LY6S: variants seen among roughly 807,000 people sequenced by gnomAD.
LY6S encodes lymphocyte antigen 6S.
chr8:143,071,496 C>T, the LY6S span, among the ~76,000 whole-genome samples: 2 of 152,132 alleles, frequency 1.3e-5, no homozygotes, highest in African/African-American at 2.4e-5. Flanking sequence ...GTATCAATAT[C>T]GGTTTATCCA....
At chr8:143,075,115 T>G in the LY6S span, among the ~76,000 whole-genome samples, 1 of 152,262 alleles carries the variant, frequency 6.6e-6, no homozygotes, top group African/African-American at 2.4e-5. The surrounding 1 kb of genome is among the most constrained non-coding windows in gnomAD (Gnocchi z 4.1). Context: ...TTTTTTCATT[T>G]ACATTATTCA....
the LY6S span, among the ~76,000 whole-genome samples, chr8:143,054,495 T>C: frequency 1.3e-5 from 2 of 152,126 alleles, no homozygotes; most frequent in African/African-American, 2.4e-5. Context: ...CCGCCTCTTA[T>C]AGAACCTCCA....
the LY6S span, among the ~76,000 whole-genome samples, chr8:143,069,371 C>T: frequency 6.6e-6 from 1 of 152,212 alleles, no homozygotes; most frequent in Non-Finnish European, 1.5e-5. Context: ...GAAATACACT[C>T]CTCATCCCTC....
the LY6S span, among the ~76,000 whole-genome samples, chr8:143,064,990 C>G: frequency 6.6e-6 from 1 of 152,214 alleles, no homozygotes; most frequent in Non-Finnish European, 1.5e-5. Context: ...ATTCAGCCAT[C>G]TTTCAGGGAT....
At chr8:143,066,148 A>ATTTCTTTTCT in the LY6S span, 21,743 of 252,122 alleles carry the variant, frequency 0.086, 1,343 homozygotes, top group African/African-American at 0.13. Context: ...CCAATGATGA[A>ATTTCTTTTCT]TTTCTTTTCT....
At chr8:143,062,903 C>T in the LY6S span, among the ~76,000 whole-genome samples, 1 of 152,126 alleles carries the variant, frequency 6.6e-6, no homozygotes, top group Non-Finnish European at 1.5e-5. Flanking sequence ...CCAGGGCAAC[C>T]TTGGAGAAGA....
the LY6S span, among the ~76,000 whole-genome samples, chr8:143,072,200 C>CATCATCCTCGGG: frequency 0.073 from 10,918 of 150,472 alleles, 1,806 homozygotes; most frequent in African/African-American, 0.15. Context: ...AGAAGACAGC[C>CATCATCCTCGGG]GTCATTCTGG....
the LY6S span, chr8:143,066,006 T>C: frequency 5.6e-6 from 2 of 357,450 alleles, no homozygotes; most frequent in African/African-American, 2.2e-5. Context: ...ATGAGATCCA[T>C]TCCTGACTAC....
At chr8:143,049,133 C>G in the LY6S span, 417,622 of 533,472 alleles carry the variant, frequency 0.78, 164,663 homozygotes, top group East Asian at 0.93. Flanking sequence ...GGATGTCCCA[C>G]ACCCTGTCAT....
chr8:143,074,078 G>C, the LY6S span, among the ~76,000 whole-genome samples: 1 of 152,188 alleles, frequency 6.6e-6, no homozygotes, highest in African/African-American at 2.4e-5. Flanking sequence ...TTTTCCTTTA[G>C]TTTCAGCAGT....
At chr8:143,044,601 A>T in the LY6S span, 1 of 1,204,650 alleles carries the variant, frequency 8.3e-7, no homozygotes. Context: ...TTGTAGGGGG[A>T]CCTTGGTCCA....
At chr8:143,070,367 A>G in the LY6S span, among the ~76,000 whole-genome samples, 2 of 130,414 alleles carry the variant, frequency 1.5e-5, no homozygotes, top group African/African-American at 3.0e-5. Flanking sequence ...TCCAGCTGAT[A>G]TATATATATA....
chr8:143,049,506 C>A, the LY6S span, among the ~76,000 whole-genome samples: 1 of 152,202 alleles, frequency 6.6e-6, no homozygotes, highest in African/African-American at 2.4e-5. Flanking sequence ...TATGCAGCAC[C>A]TGCAGGCTAA....
chr8:143,046,977 G>A, the LY6S span, among the ~76,000 whole-genome samples: 11 of 151,898 alleles, frequency 7.2e-5, no homozygotes, highest in African/African-American at 2.7e-4. Flanking sequence ...CTCCAGCCTG[G>A]GTGACAAGAG....
At chr8:143,072,278 G>C in the LY6S span, among the ~76,000 whole-genome samples, 1 of 28,120 alleles carries the variant, frequency 3.6e-5, no homozygotes, top group African/African-American at 1.3e-4. Flanking sequence ...CGTCGTCCCC[G>C]GGGTTCCTGT....
At chr8:143,046,987 G>A in the LY6S span, among the ~76,000 whole-genome samples, 1 of 152,144 alleles carries the variant, frequency 6.6e-6, no homozygotes, top group African/African-American at 2.4e-5. Flanking sequence ...GGTGACAAGA[G>A]CGAAACTCCA....
chr8:143,055,582 T>C, the LY6S span, among the ~76,000 whole-genome samples: 2 of 152,236 alleles, frequency 1.3e-5, no homozygotes, highest in Non-Finnish European at 2.9e-5. Flanking sequence ...AAATAAAAAT[T>C]TCCCCCCAAA....
At chr8:143,040,985 A>G in the LY6S span, among the ~76,000 whole-genome samples, 1 of 152,334 alleles carries the variant, frequency 6.6e-6, no homozygotes, top group Admixed American at 6.5e-5. Flanking sequence ...CAGAGATCAC[A>G]TGCTTCACAA....
chr8:143,072,514 T>C, the LY6S span, among the ~76,000 whole-genome samples: 7 of 102,166 alleles, frequency 6.9e-5, no homozygotes, highest in African/African-American at 1.8e-4. Context: ...GCCGTCGTCC[T>C]CGGGATTCCT....
Sources: allele counts gnomAD v4.1 joint callset (sites outside exome capture counted in the v4.1 genomes callset), GRCh38; gene constraint gnomAD v4.1.1; non-coding constraint Gnocchi (gnomAD v3.1); transcripts MANE v1.5; gene names NCBI Gene and HGNC (gene_info 2026-07-23, HGNC 2026-07-21).